Variants in ABHD12 observed in about 807,000 individuals in gnomAD.
ABHD12 encodes the protein lysophosphatidylserine lipase ABHD12.
Under a neutral mutation model 58.3 loss-of-function variants are expected in ABHD12, and 43 were observed. That is an observed-to-expected ratio of 0.74 (90% CI 0.58 to 0.95). The LOEUF (loss-of-function observed/expected upper bound fraction) is 0.95. ABHD12 is among the 40% of genes least tolerant of loss of function. ABHD12 has a pLI of 0.00. For missense variants in ABHD12, 539 were observed against 537.2 expected (o/e 1.00, Z -0.03); for synonymous variants, 219 against 211.2 (o/e 1.04, Z -0.32).
chr20:25,353,593 G>GTA (rs1382961893), intron 1 of ABHD12, among the ~76,000 whole-genome samples: 79 of 152,316 alleles, frequency 5.2e-4, no homozygotes, highest in African/African-American at 1.6e-3. Flanking sequence ...CTGGGCTGCT[G>GTA]CTGGGTTCAC....
At chr20:25,388,077 C>CA (rs71183396) in intron 1 of ABHD12, among the ~76,000 whole-genome samples, 76,216 of 142,270 alleles carry the variant, frequency 0.54, 20,817 homozygotes, top group Admixed American at 0.6. Context: ...CTTCATCCTA[C>CA]AAAAAAAAAG....
chr20:25,372,727 T>A (rs2089914119), intron 1 of ABHD12, among the ~76,000 whole-genome samples: 1 of 152,192 alleles, frequency 6.6e-6, no homozygotes, highest in Non-Finnish European at 1.5e-5. Context: ...AACTAAAAAA[T>A]TCCTATTGCC....
intron 1 of ABHD12, among the ~76,000 whole-genome samples, chr20:25,346,220 C>T (rs559804309): frequency 2.4e-4 from 37 of 152,260 alleles, no homozygotes; most frequent in African/African-American, 8.7e-4. Context: ...AGAAGCTCAT[C>T]TCAAAAGGCT....
rs2089332855 is a variant in ABHD12, at chr20:25,334,644, A to G, written c.316+4583T>C. Among the ~76,000 whole-genome samples the G allele has an allele frequency of 3.9e-5, 6 of 152,078 alleles. No homozygotes were observed. In the South Asian group the frequency reaches 1.2e-3, roughly 32 times the overall value. ...GGAACAGAACAGAGCCCTCAGAAAT[A>G]ACACCGCATATCTGCAACTATCTGA... On this transcript the variant is annotated intron_variant, in intron 2 of 12. Coordinates refer to ENST00000339157, the MANE Select transcript of ABHD12 (RefSeq NM_001042472.3).
At chr20:25,335,058 T>C (rs1388492345) in intron 2 of ABHD12, among the ~76,000 whole-genome samples, 1 of 151,092 alleles carries the variant, frequency 6.6e-6, no homozygotes, top group South Asian at 2.1e-4. Context: ...CCTACTCATC[T>C]GACAAAGGGC....
chr20:25,335,277 G>C (rs947766533), intron 2 of ABHD12, among the ~76,000 whole-genome samples: 16 of 152,040 alleles, frequency 1.1e-4, no homozygotes, highest in Non-Finnish European at 2.4e-4. Flanking sequence ...ACACCAGTTA[G>C]AATGGCAATC....
rs552481622 is a variant in ABHD12, at chr20:25,345,545, A to G, written c.192-6194T>C. 2.0e-5 allele frequency among the ~76,000 whole-genome samples: 3 copies of G among 152,362 alleles called. No homozygotes were observed. In the East Asian group the frequency reaches 5.8e-4, roughly 29 times the overall value. Reference sequence around the variant, plus strand: ...CTCGGAAAAACATATTAACAAAAGTATATCTGATGAAAGACAGTTATACAA... The same window carrying G: ...CTCGGAAAAACATATTAACAAAAGTGTATCTGATGAAAGACAGTTATACAA... On this transcript the variant is annotated intron_variant, in intron 1 of 12. Coordinates refer to ENST00000339157, the MANE Select transcript of ABHD12 (RefSeq NM_001042472.3).
intron 1 of ABHD12, among the ~76,000 whole-genome samples, chr20:25,372,891 C>A (rs1305208431): frequency 1.3e-5 from 2 of 152,234 alleles, no homozygotes; most frequent in East Asian, 3.8e-4. Context: ...CCCAGAGCAA[C>A]CTCCAGTCCT....
Position 25,336,395 on chromosome 20 carries a change from T to A in ABHD12, c.316+2832A>T, listed in dbSNP as rs185121692. On this transcript the variant is annotated intron_variant, in intron 2 of 12. Transcript: ENST00000339157. Reference sequence around the variant, plus strand: ...ATTTAAAGTAGAATAATGCCTTACATTGTAGGTGCTATGTTTCTTTAAAAG... The same window carrying A: ...ATTTAAAGTAGAATAATGCCTTACAATGTAGGTGCTATGTTTCTTTAAAAG... 1.2e-3 allele frequency among the ~76,000 whole-genome samples: 180 copies of A among 152,336 alleles called. 1 individual carries two copies. Among genetic ancestry groups the A allele is most frequent in the African/African-American group, 4.1e-3 (172 of 41,580 alleles).
chr20:25,318,393 A>G (rs1037848447), intron 4 of ABHD12, among the ~76,000 whole-genome samples: 1 of 152,242 alleles, frequency 6.6e-6, no homozygotes, highest in Non-Finnish European at 1.5e-5. Flanking sequence ...TTATCATTGT[A>G]AGAGTTCACA....
intron 1 of ABHD12, among the ~76,000 whole-genome samples, chr20:25,361,790 C>T (rs2089751776): frequency 6.6e-6 from 1 of 151,732 alleles, no homozygotes; most frequent in African/African-American, 2.4e-5. Flanking sequence ...CTCGTCTCTA[C>T]TAAAAATACA....
intron 6 of ABHD12, among the ~76,000 whole-genome samples, chr20:25,312,572 C>T (rs1198901581): frequency 6.6e-6 from 1 of 152,208 alleles, no homozygotes; most frequent in African/African-American, 2.4e-5. Flanking sequence ...CCCAAAGTGC[C>T]GAGATTGCAG....
chr20:25,336,285 CTTAT>C (rs1398752068), intron 2 of ABHD12, among the ~76,000 whole-genome samples: 4 of 145,414 alleles, frequency 2.8e-5, no homozygotes, highest in Admixed American at 7.0e-5. Context: ...TGTTCATTTT[CTTAT>C]TTATACTATT....
chr20:25,388,459 A>G (rs6037103), intron 1 of ABHD12, among the ~76,000 whole-genome samples: 86,421 of 151,964 alleles, frequency 0.57, 25,315 homozygotes, highest in African/African-American at 0.63. Context: ...GGTCGACAGG[A>G]GTGGGCTGGT....
chr20:25,303,329 C>A, intron 11 of ABHD12: 1 of 1,441,876 alleles, frequency 6.9e-7, no homozygotes, highest in Non-Finnish European at 9.1e-7. Flanking sequence ...CAGTGGGCCC[C>A]TGCCCCAACC....
At chr20:25,327,595 G>A (rs563292601) in intron 2 of ABHD12, among the ~76,000 whole-genome samples, 2 of 152,226 alleles carry the variant, frequency 1.3e-5, no homozygotes, top group South Asian at 4.1e-4. Context: ...GTTTACTCCT[G>A]GGCATAGGCT....
Position 25,303,450 on chromosome 20 carries a change from CA to C in ABHD12, c.1029+99del, listed in dbSNP as rs749475092. 5 of 1,551,594 alleles carry C rather than the reference CA, an allele frequency of 3.2e-6. No individual in the cohort carries two copies. The African/African-American group carries it at 6.8e-5, about 21-fold the overall frequency. ...GGTGCGCAGCCCGTGATGCAGCATG[CA>C]GGGGCTGCCTTCCCGCCTGCCCACT... On this transcript the variant is annotated intron_variant, in intron 11 of 12. Coordinates refer to ENST00000339157, the MANE Select transcript of ABHD12 (RefSeq NM_001042472.3).
In ABHD12 at chr20:25,390,670, G is replaced by A; in HGVS notation, c.34C>T (p.His12Tyr). 7.0e-7 allele frequency: 1 copy of A among 1,432,126 alleles called. No homozygotes were observed. Among genetic ancestry groups the A allele is most frequent in the Non-Finnish European group, 9.1e-7 (1 of 1,095,258 alleles). 88.7% of individuals were successfully genotyped at this position (1,432,126 alleles called of 1,614,324 possible). Residue 12 changes from histidine to tyrosine, a missense_variant, in exon 1 of 13, where the codon CAT becomes TAT. Coordinates refer to ENST00000339157, the MANE Select transcript of ABHD12 (RefSeq NM_001042472.3). ...RKRTEPVALE[H>Y]ERCAAAGSSS... ...GAGCCCGCGGCGGCGCAGCGCTCAT[G>A]CTCCAAGGCGACGGGCTCGGTCCGC... is the stretch of plus-strand genomic sequence containing the variant.
chr20:25,356,615 CT>C (rs1356773054), intron 1 of ABHD12, among the ~76,000 whole-genome samples: 4 of 152,196 alleles, frequency 2.6e-5, no homozygotes, highest in Non-Finnish European at 4.4e-5. Flanking sequence ...GCCCTGGTTC[CT>C]TTGACGGGGG....
Sources: allele counts gnomAD v4.1 joint callset (sites outside exome capture counted in the v4.1 genomes callset), GRCh38; gene constraint gnomAD v4.1.1; transcripts MANE v1.5; gene names NCBI Gene and HGNC (gene_info 2026-07-23, HGNC 2026-07-21).